The following SYNPO2 variants were observed in gnomAD, a reference collection of about 807,000 sequenced individuals.
SYNPO2 encodes the protein synaptopodin 2, also known as synaptopodin-2.
Under a neutral mutation model 85.0 loss-of-function variants are expected in SYNPO2, and 56 were observed. That is an observed-to-expected ratio of 0.66 (90% CI 0.53 to 0.82). The LOEUF (loss-of-function observed/expected upper bound fraction) is 0.82, where lower values mean the gene tolerates loss of function less well. Among genes scored for constraint, SYNPO2 ranks in the 40% least tolerant of loss-of-function variants. The pLI is 0.00. For synonymous variants in SYNPO2, 602 were observed against 591.1 expected, an observed-to-expected ratio of 1.02 and a Z score of -0.27; for missense variants, 1,575 against 1,534.2, an observed-to-expected ratio of 1.03 and a Z score of -0.44.
chr4:118,961,289 A>C (rs1286051388), intron 1 of SYNPO2, among the ~76,000 whole-genome samples: 2 of 152,086 alleles, frequency 1.3e-5, no homozygotes, highest in African/African-American at 4.8e-5. Context: ...GAGAAACCCC[A>C]GCCTACAGAT....
chr4:118,899,223 T>C (rs1302489271), intron 1 of SYNPO2, among the ~76,000 whole-genome samples: 4 of 152,172 alleles, frequency 2.6e-5, no homozygotes, highest in Non-Finnish European at 5.9e-5. Flanking sequence ...TACATATATA[T>C]AAAATATAGT....
At chr4:118,881,296 C>T (rs374390514) in intron 1 of SYNPO2, among the ~76,000 whole-genome samples, 160 of 129,460 alleles carry the variant, frequency 1.2e-3, no homozygotes, top group African/African-American at 3.9e-3. Flanking sequence ...AGCAAAACTC[C>T]GTCTCAAAAA....
rs1738155131 is a variant in SYNPO2 at position 119,030,081 on chromosome 4, G to A, written c.1306G>A (p.Ala436Thr). 3 of 1,614,122 alleles carry A rather than the reference G, an allele frequency of 1.9e-6. No individual in the cohort carries two copies. The highest frequency in any genetic ancestry group is 2.5e-6 in the Non-Finnish European group (3 of 1,180,010). Residue 436 changes from alanine (A) to threonine (T), a missense_variant, in exon 4 of 5, where the codon GCA becomes ACA. Ala to Thr is a moderately conservative substitution (Grantham distance 58). Around this residue, in one of 3 missense-constraint regions of SYNPO2, gnomAD observed 1,508 missense variants for 1,446.8 expected, o/e 1.04. Transcript: ENST00000307142. The stretch of plus-strand genomic sequence containing the variant: ...TGACAAGGAGGATACATGTGAAGTA[G>A]CATTTCTTGGTGCAAGCGAATCAGA... ...EGDKEDTCEV[A>T]FLGASESEVD...
chr4:118,856,831 C>G (rs570168166), intron 1 of SYNPO2, among the ~76,000 whole-genome samples: 1 of 152,208 alleles, frequency 6.6e-6, no homozygotes, highest in South Asian at 2.1e-4. Flanking sequence ...AATAGTGTTT[C>G]TTCTTCTATT....
intron 1 of SYNPO2, among the ~76,000 whole-genome samples, chr4:119,003,581 T>C (rs1309951707): frequency 6.6e-6 from 1 of 152,234 alleles, no homozygotes; most frequent in Non-Finnish European, 1.5e-5. Flanking sequence ...CTCTTTTGTA[T>C]CATCCTGTTT....
At chr4:118,921,880 C>G (rs925888758) in intron 1 of SYNPO2, among the ~76,000 whole-genome samples, 1 of 152,032 alleles carries the variant, frequency 6.6e-6, no homozygotes, top group African/African-American at 2.4e-5. Flanking sequence ...ACTTGATTAA[C>G]TTTTGTCACC....
chr4:118,854,856 A>G (rs1302134977), intron 1 of SYNPO2, among the ~76,000 whole-genome samples: 1 of 152,128 alleles, frequency 6.6e-6, no homozygotes, highest in Non-Finnish European at 1.5e-5. Flanking sequence ...TAATTTTGAA[A>G]TAAAAAATAA....
chr4:118,981,434 G>A (rs1013780645), intron 1 of SYNPO2, among the ~76,000 whole-genome samples: 24 of 152,146 alleles, frequency 1.6e-4, no homozygotes, highest in African/African-American at 1.7e-4. Flanking sequence ...GGGTAGCCAC[G>A]TCAATGTCAA....
intron 1 of SYNPO2, 53 bp downstream of exon 1, chr4:118,889,194 G>A: frequency 6.6e-7 from 1 of 1,512,488 alleles, no homozygotes; most frequent in East Asian, 2.3e-5. Context: ...AGGAATGAAA[G>A]CAACCTGCTG....
At chr4:119,013,010 T>G (rs569799047) in intron 1 of SYNPO2, among the ~76,000 whole-genome samples, 114 of 152,304 alleles carry the variant, frequency 7.5e-4, no homozygotes, top group African/African-American at 2.6e-3. Flanking sequence ...TTTAGATCAG[T>G]TATTCTCAAA....
chr4:118,942,904 C>T (rs905538314), intron 1 of SYNPO2, among the ~76,000 whole-genome samples: 3 of 151,860 alleles, frequency 2.0e-5, no homozygotes, highest in Non-Finnish European at 2.9e-5. Flanking sequence ...GTCAGGAGTT[C>T]GAGACCATCC....
chr4:119,031,987 G>C lies in SYNPO2; in HGVS notation c.3212G>C (p.Arg1071Thr). The part of the protein sequence containing the change: ...SASSSYFVAP[R>T]PKFSAKKSGV... Reference sequence around the variant, plus strand: ...TCATCATCTTATTTTGTGGCACCAAGGCCAAAGTTCTCAGCCAAGAAAAGT... The same window carrying C: ...TCATCATCTTATTTTGTGGCACCAACGCCAAAGTTCTCAGCCAAGAAAAGT... Residue 1071 changes from arginine to threonine, a missense_variant, in exon 4 of 5, where the codon AGG becomes ACG. By Grantham distance (71) the Arg-to-Thr change is moderately conservative (BLOSUM62 -1). This residue lies in a region of SYNPO2 where 1,508 missense variants were observed against 1,446.8 expected (regional missense o/e 1.04). Transcript: ENST00000307142. The C allele has an allele frequency of 6.2e-7, 1 of 1,614,182 alleles. No homozygotes were observed. The highest frequency in any genetic ancestry group is 8.5e-7 in the Non-Finnish European group (1 of 1,180,034).
At chr4:119,005,965 C>A (rs377212776) in intron 1 of SYNPO2, 28 of 152,402 alleles carry the variant, frequency 1.8e-4, no homozygotes, top group African/African-American at 6.3e-4. Context: ...TCCTATTGAA[C>A]CACTGTGTGT....
chr4:118,912,778 AG>A (rs1170125580), intron 1 of SYNPO2, among the ~76,000 whole-genome samples: 3 of 152,192 alleles, frequency 2.0e-5, no homozygotes, highest in Non-Finnish European at 4.4e-5. Flanking sequence ...ATAGGACTTT[AG>A]GGTTTTAGTT....
chr4:119,005,011 T>C (rs1057071308), intron 1 of SYNPO2, among the ~76,000 whole-genome samples: 4 of 152,180 alleles, frequency 2.6e-5, no homozygotes, highest in African/African-American at 9.6e-5. Flanking sequence ...GTTTTTTGGC[T>C]GCATAAATGT....
intron 4 of SYNPO2, among the ~76,000 whole-genome samples, chr4:119,044,671 A>T (rs1179849325): frequency 6.6e-6 from 1 of 152,188 alleles, no homozygotes; most frequent in Non-Finnish European, 1.5e-5. Flanking sequence ...CTCTGGGGTC[A>T]TGTTTTTGAC....
intron 1 of SYNPO2, among the ~76,000 whole-genome samples, chr4:119,013,304 T>C (rs927376534): frequency 9.2e-5 from 14 of 152,214 alleles, no homozygotes; most frequent in African/African-American, 3.1e-4. Context: ...AAGTTTGATT[T>C]TTATTAAATC....
chr4:119,012,665 C>G (rs1235873504), intron 1 of SYNPO2, among the ~76,000 whole-genome samples: 1 of 152,106 alleles, frequency 6.6e-6, no homozygotes, highest in Non-Finnish European at 1.5e-5. Flanking sequence ...TTCCATTCCT[C>G]TATTAGTTTG....
chr4:118,915,693 C>A (rs1357183276), intron 1 of SYNPO2, among the ~76,000 whole-genome samples: 2 of 152,164 alleles, frequency 1.3e-5, no homozygotes, highest in East Asian at 3.9e-4. Flanking sequence ...TAGTTGTATA[C>A]CCAGGAATGG....
Sources: gnomAD v4.1 joint callset for allele counts (sites outside exome capture counted in the v4.1 genomes callset) on GRCh38, gnomAD v4.1.1 for gene constraint, gnomAD v4.1.1 regional missense constraint, MANE v1.5 for transcripts, NCBI Gene and HGNC (gene_info 2026-07-23, HGNC 2026-07-21) for gene names.